Variants in PTPN23 observed in about 807,000 individuals in gnomAD.
PTPN23 encodes the protein protein tyrosine phosphatase non-receptor type 23, also known as tyrosine-protein phosphatase non-receptor type 23.
A neutral mutation model predicts 156.3 loss-of-function variants in PTPN23; 72 were observed. That is an observed-to-expected ratio of 0.46 (90% confidence interval 0.38 to 0.56). PTPN23 has a LOEUF of 0.56. Among genes scored for constraint, PTPN23 ranks in the 20% least tolerant of loss-of-function variants. The probability of loss-of-function intolerance (pLI) is 0.00; values close to 1 mark genes in which losing one functional copy is unlikely to be tolerated. For missense variants in PTPN23, 1,974 were observed against 2,171.5 expected (o/e 0.91, Z 1.81); for synonymous variants, 957 against 899.6 (o/e 1.06, Z -1.14).
intron 19 of PTPN23, 32 bp downstream of exon 19, chr3:47,409,866 C>G (rs761939193): frequency 6.3e-7 from 1 of 1,596,038 alleles, no homozygotes; most frequent in Non-Finnish European, 8.5e-7. Context: ...TGGTGCGGCT[C>G]GGGTCCAGAC....
At chr3:47,381,332 T>C in intron 1 of PTPN23, 152 bp downstream of exon 1, 1 of 1,110,870 alleles carries the variant, frequency 9.0e-7, no homozygotes, top group Non-Finnish European at 1.3e-6. Context: ...CCTCAGCCTG[T>C]CCCACACCCC....
Position 47,412,830 on chromosome 3 carries a change from G to A in PTPN23, c.4556G>A (p.Ser1519Asn). The change falls in exon 25 of 25, where the codon AGC becomes AAC. Residue 1519 changes from serine to asparagine, a missense_variant. Around this residue, in one of 4 missense-constraint regions of PTPN23, gnomAD observed 484 missense variants for 516.0 expected, o/e 0.94. Transcript: ENST00000265562. ...GGGGGGTTGGAGTCCCCGGTTGCCA[G>A]CTTGCCAGGCCCTGCAGAGCCCCCA... Reference protein sequence around the residue: ...PPGGLESPVASLPGPAEPPGL... With the variant: ...PPGGLESPVANLPGPAEPPGL... The A allele has an allele frequency of 1.2e-6, 2 of 1,613,464 alleles. No individual in the cohort carries two copies. Among genetic ancestry groups the A allele is most frequent in the Non-Finnish European group, 1.7e-6 (2 of 1,179,914 alleles).
intron 1 of PTPN23, among the ~76,000 whole-genome samples, chr3:47,384,781 A>G (rs1038768325): frequency 5.4e-5 from 8 of 148,730 alleles, no homozygotes; most frequent in Non-Finnish European, 1.2e-4. Flanking sequence ...TTTTTTTTTT[A>G]GATGGAGTTT....
At position 47,410,017 on chromosome 3, in the gene PTPN23, ACCCCCCTGAGGAGCTGCGCAGCCT is replaced by A; in HGVS notation, c.2229_2252del (p.Glu743_Pro750del). ...GAGAGTGAGGCAGTGGAAGCAGGAG[ACCCCCCTGAGGAGCTGCGCAGCCT>A]CCCCCCTGACATGGTGGCTGGCCCA... On this transcript the variant is annotated inframe_deletion, in exon 20 of 25. Coordinates refer to ENST00000265562, the MANE Select transcript of PTPN23 (RefSeq NM_015466.4). The A allele has an allele frequency of 1.9e-6, 3 of 1,607,524 alleles. No homozygotes were observed. The highest frequency in any genetic ancestry group is 2.5e-6 in the Non-Finnish European group (3 of 1,177,560).
intron 2 of PTPN23, among the ~76,000 whole-genome samples, chr3:47,403,820 C>T (rs1705056294): frequency 6.6e-6 from 1 of 152,222 alleles, no homozygotes; most frequent in African/African-American, 2.4e-5. Flanking sequence ...TGAGCCCCTG[C>T]ACCTGACCTG....
intron 2 of PTPN23, among the ~76,000 whole-genome samples, chr3:47,401,785 C>CT (rs1704999240): frequency 6.6e-6 from 1 of 152,182 alleles, no homozygotes. Flanking sequence ...ACTGGGCATT[C>CT]TAGAAGCCTC....
rs79728008 is a variant in PTPN23, at chr3:47,407,335, G to T, written c.891G>T (p.Ala297=). The T allele has an allele frequency of 3.1e-6, 5 of 1,613,952 alleles. No individual in the cohort carries two copies. The highest frequency in any genetic ancestry group is 4.2e-6 in the Non-Finnish European group (5 of 1,179,942). ...AKGQPDTVQD[A]LRFTMDVIGG... ...GCCAGCCTGACACTGTGCAAGACGCGCTTCGCTTCACTATGGATGTCATTG... is the reference window on the plus strand; with the variant it reads ...GCCAGCCTGACACTGTGCAAGACGCTCTTCGCTTCACTATGGATGTCATTG... Residue 297 remains alanine, a synonymous_variant, in exon 11 of 25, where the codon GCG becomes GCT. Coordinates refer to ENST00000265562, the MANE Select transcript of PTPN23 (RefSeq NM_015466.4). The surrounding 1 kb of genome is among the most constrained non-coding windows in gnomAD (Gnocchi z 4.0).
intron 1 of PTPN23, among the ~76,000 whole-genome samples, chr3:47,393,766 TTTA>T (rs962326333): frequency 1.3e-4 from 20 of 151,782 alleles, no homozygotes; most frequent in African/African-American, 3.9e-4. Context: ...TATTTGTTTA[TTTA>T]TTATTATTAT....
chr3:47,407,419 C>T lies in PTPN23; in HGVS notation c.923+52C>T, dbSNP rs1398136174. 6.2e-7 allele frequency: 1 copy of T among 1,609,872 alleles called. No homozygotes were observed. Among genetic ancestry groups the T allele is most frequent in the Non-Finnish European group, 8.5e-7 (1 of 1,176,648 alleles). On this transcript the variant is annotated intron_variant, in intron 11 of 24. Transcript: ENST00000265562. This position sits in a 1 kb window ranked among gnomAD's most constrained non-coding sequence, Gnocchi z 4.0. ...CCCTCTTTTTGTGAAGGGTCTTGTC[C>T]CTCTGCTGGCATCTACATGGGAAGT...
Position 47,411,392 on chromosome 3 carries a change from G to A in PTPN23, c.3594G>A (p.Leu1198=). 6.2e-7 allele frequency: 1 copy of A among 1,613,040 alleles called. No homozygotes were observed. Among genetic ancestry groups the A allele is most frequent in the Non-Finnish European group, 8.5e-7 (1 of 1,180,034 alleles). ...VGALDTVWRE[L]QDAQEHDARG... ...CTCTGGACACTGTCTGGCGAGAGCT[G>A]CAAGATGCGCAGGAACATGATGCCC... Residue 1198 remains leucine, a synonymous_variant, in exon 20 of 25, where the codon CTG becomes CTA. Coordinates refer to ENST00000265562, the MANE Select transcript of PTPN23 (RefSeq NM_015466.4). The surrounding 1 kb of genome is among the most constrained non-coding windows in gnomAD (Gnocchi z 6.3).
chr3:47,400,959 G>A (rs565090777), intron 2 of PTPN23, among the ~76,000 whole-genome samples: 1 of 151,708 alleles, frequency 6.6e-6, no homozygotes, highest in East Asian at 1.9e-4. Flanking sequence ...CTGGAGTGCA[G>A]TGGCGCAATC....
rs974640907 is a variant in PTPN23 at position 47,406,205 on chromosome 3, G to A, written c.547-120G>A. The A allele has an allele frequency of 1.4e-6, 2 of 1,462,044 alleles. No individual in the cohort carries two copies. Among genetic ancestry groups the A allele is most frequent in the Non-Finnish European group, 1.9e-6 (2 of 1,069,290 alleles). The allele number at this position is 1,462,044 out of a possible 1,614,324, so 90.6% of individuals were successfully genotyped here. A position where few individuals can be genotyped will look rare whatever the true frequency, so the allele number is the denominator to read the frequency against. ...CACCGTGGTGCTGCTTGGAGTGGGG[G>A]CAGCTGGGGGAGAGGGCAGTGAAGA... On this transcript the variant is annotated intron_variant, in intron 6 of 24. Coordinates refer to ENST00000265562, the MANE Select transcript of PTPN23 (RefSeq NM_015466.4). This position sits in a 1 kb window ranked among gnomAD's most constrained non-coding sequence, Gnocchi z 5.8.
chr3:47,393,495 C>T (rs1378132689), intron 1 of PTPN23, among the ~76,000 whole-genome samples: 2 of 152,106 alleles, frequency 1.3e-5, no homozygotes, highest in African/African-American at 2.4e-5. Flanking sequence ...TGTTTTCTCT[C>T]CAGATAGATA....
At chr3:47,412,477 C>A (rs1705338669) in intron 23 of PTPN23, 37 bp from the exon 24 acceptor site, 1 of 1,611,398 alleles carries the variant, frequency 6.2e-7, no homozygotes, top group South Asian at 1.1e-5. Flanking sequence ...GGTGACGGGC[C>A]CCTGCCCAGC....
chr3:47,397,469 T>C (rs1371475713), intron 2 of PTPN23, among the ~76,000 whole-genome samples: 2 of 152,076 alleles, frequency 1.3e-5, no homozygotes, highest in African/African-American at 4.8e-5. Context: ...AGGGTAAGAG[T>C]CTGCACTGGC....
chr3:47,385,469 G>C (rs375768456), intron 1 of PTPN23, among the ~76,000 whole-genome samples: 1 of 152,076 alleles, frequency 6.6e-6, no homozygotes, highest in African/African-American at 2.4e-5. Context: ...TTGAGTCCAG[G>C]AGTTTGAGAC....
chr3:47,384,449 C>T (rs1704613444), intron 1 of PTPN23, among the ~76,000 whole-genome samples: 1 of 68,856 alleles, frequency 1.5e-5, no homozygotes, highest in Non-Finnish European at 2.6e-5. Context: ...TAGAGCGAGA[C>T]TGTCTCAAAA....
At position 47,412,947 on chromosome 3, in the gene PTPN23, C is replaced by T. The variant is rs542936098; in HGVS notation, c.4673C>T (p.Pro1558Leu). 6.2e-7 allele frequency: 1 copy of T among 1,606,610 alleles called. No individual in the cohort carries two copies. Among genetic ancestry groups the T allele is most frequent in the Non-Finnish European group, 8.5e-7 (1 of 1,176,518 alleles). Residue 1558 changes from proline to leucine, a missense_variant, in exon 25 of 25, where the codon CCT (proline) becomes CTT (leucine). Around this residue, in one of 4 missense-constraint regions of PTPN23, gnomAD observed 484 missense variants for 516.0 expected, o/e 0.94. Coordinates refer to ENST00000265562, the MANE Select transcript of PTPN23 (RefSeq NM_015466.4). ...TCCCCACTACCTGAGGCTCCCCAGC[C>T]TAAGGAGGAGCCGCCAGTGCCTGAA... ...LSSPLPEAPQPKEEPPVPEAP... is the reference protein window; with the variant it reads ...LSSPLPEAPQLKEEPPVPEAP...
chr3:47,404,849 TTCCCC>T lies in PTPN23; in HGVS notation c.287+71_287+75del, dbSNP rs1025582170. 2.5e-6 allele frequency: 4 copies of T among 1,583,560 alleles called. No homozygotes were observed. In the Admixed American group the frequency reaches 7.1e-5, roughly 28 times the overall value. On this transcript the variant is annotated intron_variant, in intron 3 of 24. Transcript: ENST00000265562. ...GTGGTGGGGGTGCTCCTCCCCTCCC[TTCCCC>T]CTTCTCCTTGCTGCATAGGATGGGG...
Sources: gnomAD v4.1 joint callset for allele counts (sites outside exome capture counted in the v4.1 genomes callset) on GRCh38, gnomAD v4.1.1 for gene constraint, gnomAD v4.1.1 regional missense constraint, Gnocchi (gnomAD v3.1) non-coding constraint, MANE v1.5 for transcripts, NCBI Gene and HGNC (gene_info 2026-07-23, HGNC 2026-07-21) for gene names.